FAT3: variants seen among roughly 807,000 people sequenced by gnomAD.
FAT3 encodes protocadherin Fat 3.
FAT3 carries 95 observed loss-of-function variants against 310.2 expected under a neutral mutation model. The ratio of observed to expected loss-of-function variants is 0.31; its 90% CI spans 0.26 to 0.36. FAT3 has a LOEUF of 0.36. FAT3 is among the 10% of genes least tolerant of loss of function. FAT3 has a pLI of 1.00. For synonymous variants in FAT3, 2,314 were observed against 2,192.9 expected (o/e 1.06, Z -1.54); for missense variants, 5,408 against 5,715.6 (o/e 0.95, Z 1.74).
intron 3 of FAT3, among the ~76,000 whole-genome samples, chr11:92,539,909 G>T (rs556480910): frequency 3.3e-5 from 5 of 152,138 alleles, no homozygotes; most frequent in African/African-American, 9.7e-5. Flanking sequence ...CTATGTCATC[G>T]CATAGGGCCC....
At chr11:92,346,990 A>G (rs1948438345) in intron 1 of FAT3, among the ~76,000 whole-genome samples, 1 of 152,318 alleles carries the variant, frequency 6.6e-6, no homozygotes, top group South Asian at 2.1e-4. Flanking sequence ...ACAATTATAT[A>G]CAATGTGCCA....
chr11:92,887,022 A>G lies in FAT3; in HGVS notation c.12960A>G (p.Gly4320=), dbSNP rs1367603909. 1 of 1,608,048 alleles carries G rather than the reference A, an allele frequency of 6.2e-7. No individual in the cohort carries two copies. Among genetic ancestry groups the G allele is most frequent in the Non-Finnish European group, 8.5e-7 (1 of 1,177,598 alleles). ...GTENKGVDDP[G]EVTCFAGSNK... The stretch of plus-strand genomic sequence containing the variant: ...AAGACAAAGGGGTTGATGACCCGGG[A>G]GAAGTGACCTGCTTTGCAGGTAGTA... The change falls in exon 25 of 28, where the codon GGA becomes GGG. Residue 4320 remains glycine, a synonymous_variant. Coordinates refer to ENST00000525166, the MANE Select transcript of FAT3 (RefSeq NM_001367949.2).
chr11:92,488,289 G>A (rs1952485948), intron 2 of FAT3, among the ~76,000 whole-genome samples: 1 of 152,094 alleles, frequency 6.6e-6, no homozygotes, highest in Non-Finnish European at 1.5e-5. Flanking sequence ...AACACAGCCT[G>A]TCTGACACTT....
At chr11:92,384,135 A>C (rs1949565530) in intron 2 of FAT3, among the ~76,000 whole-genome samples, 1 of 152,104 alleles carries the variant, frequency 6.6e-6, no homozygotes, top group South Asian at 2.1e-4. Context: ...TCTTTGTGTG[A>C]TGGGAAGCGG....
intron 3 of FAT3, among the ~76,000 whole-genome samples, chr11:92,693,316 A>G (rs1943847709): frequency 6.6e-6 from 1 of 152,164 alleles, no homozygotes; most frequent in East Asian, 1.9e-4. Context: ...CAGTTTCATC[A>G]TGTCAGTCCC....
At chr11:92,398,260 G>A (rs1949924686) in intron 2 of FAT3, among the ~76,000 whole-genome samples, 1 of 151,994 alleles carries the variant, frequency 6.6e-6, no homozygotes, top group East Asian at 1.9e-4. Context: ...AAGCACTTTG[G>A]GAGGCTGAGG....
At chr11:92,682,900 A>G (rs1327825219) in intron 3 of FAT3, among the ~76,000 whole-genome samples, 1 of 152,030 alleles carries the variant, frequency 6.6e-6, no homozygotes, top group Non-Finnish European at 1.5e-5. Context: ...CAACATGGCA[A>G]AACCCAGTCT....
rs1344171403 is a variant in FAT3, at chr11:92,801,777, C to G, written c.8764C>G (p.Pro2922Ala). The change falls in exon 10 of 28, where the codon CCA (proline) becomes GCA (alanine). Residue 2922 changes from proline to alanine, a missense_variant. Pro to Ala is a conservative substitution (Grantham distance 27, BLOSUM62 -1). This residue lies in a region of FAT3 where 4,588 missense variants were observed against 4,809.8 expected (regional missense o/e 0.95). Transcript: ENST00000525166. ...AGTGACAGATATAAATGACAATGCA[C>G]CAGTCTTCGCGCAGGAAGTGTACCG... ...VRVTDINDNA[P>A]VFAQEVYRGN... is the part of the protein sequence containing the mutation. 6.2e-7 allele frequency: 1 copy of G among 1,613,752 alleles called. No individual in the cohort carries two copies. Among genetic ancestry groups the G allele is most frequent in the Non-Finnish European group, 8.5e-7 (1 of 1,179,860 alleles).
At position 92,677,593 on chromosome 11, in the gene FAT3, T is replaced by C. The variant is rs561413464; in HGVS notation, c.3608-19791T>C. Among the ~76,000 whole-genome samples, 64 of 152,298 alleles carry C rather than the reference T, an allele frequency of 4.2e-4. No homozygotes were observed. In the South Asian group the frequency reaches 0.011, roughly 25 times the overall value. ...AAAAGAGCTTTATTTCTTGCAGCTT[T>C]GGAGGATGGAAAGTCCAAGGTCAAG... is the stretch of plus-strand genomic sequence containing the variant. On this transcript the variant is annotated intron_variant, in intron 3 of 27. Transcript: ENST00000525166.
At chr11:92,419,966 A>C (rs544772357) in intron 2 of FAT3, among the ~76,000 whole-genome samples, 1 of 152,312 alleles carries the variant, frequency 6.6e-6, no homozygotes, top group African/African-American at 2.4e-5. Context: ...TCATTTCCTT[A>C]AGGATAACCA....
intron 3 of FAT3, among the ~76,000 whole-genome samples, chr11:92,658,527 G>C (rs1281785717): frequency 6.6e-6 from 1 of 152,108 alleles, no homozygotes; most frequent in East Asian, 1.9e-4. Context: ...AGACACAGGG[G>C]AGGAGGCTGG....
At chr11:92,708,593 C>T (rs1944429553) in intron 4 of FAT3, among the ~76,000 whole-genome samples, 1 of 152,192 alleles carries the variant, frequency 6.6e-6, no homozygotes. Flanking sequence ...TTAAAATTTT[C>T]CCTGTGATTC....
chr11:92,737,024 G>A (rs1945368217), intron 4 of FAT3, among the ~76,000 whole-genome samples: 1 of 152,050 alleles, frequency 6.6e-6, no homozygotes, highest in Non-Finnish European at 1.5e-5. Flanking sequence ...TTCCTGTGAT[G>A]GCTAATTTTT....
chr11:92,402,739 AAAAG>A (rs1250981792), intron 2 of FAT3, among the ~76,000 whole-genome samples: 38 of 151,820 alleles, frequency 2.5e-4, no homozygotes, highest in South Asian at 4.2e-4. Context: ...CTCAAAAAAA[AAAAG>A]AAAGAAAGAA....
At chr11:92,301,716 A>G (rs553460176) in intron 1 of FAT3, among the ~76,000 whole-genome samples, 36 of 152,136 alleles carry the variant, frequency 2.4e-4, no homozygotes, top group African/African-American at 8.7e-4. Flanking sequence ...AATTTGTTTC[A>G]CAGTTATTCC....
Position 92,665,044 on chromosome 11 carries a change from G to A in FAT3, c.3608-32340G>A, listed in dbSNP as rs7122543. Reference sequence around the variant, plus strand: ...TCATTTGTCATCCATGACAGTTGCAGTGCTGATCTGCACTCACGTTCCTCC... The same window carrying A: ...TCATTTGTCATCCATGACAGTTGCAATGCTGATCTGCACTCACGTTCCTCC... On this transcript the variant is annotated intron_variant, in intron 3 of 27. Transcript: ENST00000525166. Among the ~76,000 whole-genome samples, 558 of 152,292 alleles carry A rather than the reference G, an allele frequency of 3.7e-3. 2 individuals are homozygous for A. Among genetic ancestry groups the A allele is most frequent in the African/African-American group, 7.0e-3 (291 of 41,546 alleles).
chr11:92,582,907 A>G (rs978302111), intron 3 of FAT3, among the ~76,000 whole-genome samples: 3 of 152,056 alleles, frequency 2.0e-5, no homozygotes, highest in Admixed American at 6.6e-5. Flanking sequence ...CCAAAAGCCT[A>G]GTCACTGTAA....
intron 13 of FAT3, among the ~76,000 whole-genome samples, chr11:92,823,722 A>T (rs1189533930): frequency 1.3e-5 from 2 of 152,146 alleles, no homozygotes; most frequent in Non-Finnish European, 2.9e-5. Flanking sequence ...CAAAAAACCG[A>T]GGGGCTACTG....
intron 19 of FAT3, among the ~76,000 whole-genome samples, chr11:92,847,085 G>A (rs917954515): frequency 6.6e-6 from 1 of 152,192 alleles, no homozygotes; most frequent in African/African-American, 2.4e-5. Context: ...TAAGAACAGG[G>A]ACTCTTCCTT....
Sources: gnomAD v4.1 joint callset for allele counts (sites outside exome capture counted in the v4.1 genomes callset) on GRCh38, gnomAD v4.1.1 for gene constraint, gnomAD v4.1.1 regional missense constraint, MANE v1.5 for transcripts, NCBI Gene and HGNC (gene_info 2026-07-23, HGNC 2026-07-21) for gene names.